EXPH5: variants seen among roughly 807,000 people sequenced by gnomAD.
EXPH5 encodes the protein exophilin-5.
EXPH5 carries 42 observed loss-of-function variants against 41.1 expected under a neutral mutation model. That is an observed-to-expected ratio of 1.02 (90% CI 0.80 to 1.32). The LOEUF (loss-of-function observed/expected upper bound fraction) is 1.32. EXPH5 is among the 40% of genes most tolerant of loss of function. EXPH5 has a pLI of 0.00. For synonymous variants in EXPH5, 798 were observed against 833.5 expected (o/e 0.96, Z 0.73); for missense variants, 2,298 against 2,314.5 (o/e 0.99, Z 0.15).
chr11:108,532,339 GATAT>G lies in EXPH5; in HGVS notation c.444-4159_444-4156del, dbSNP rs761444200. Among the ~76,000 whole-genome samples, 173 of 23,412 alleles carry G rather than the reference GATAT, an allele frequency of 7.4e-3. 5 individuals are homozygous for G. The highest frequency in any genetic ancestry group is 0.027 in the South Asian group (9 of 336). The allele number at this position is 23,412 out of a possible 152,430, so 15.4% of individuals were successfully genotyped here. ...ACTACTGGTGTGCACCACCACACTG[GATAT>G]ATATATATATATATATATATATATT... On this transcript the variant is annotated intron_variant, in intron 3 of 5. Coordinates refer to ENST00000265843, the MANE Select transcript of EXPH5 (RefSeq NM_015065.3).
the EXPH5 span, among the ~76,000 whole-genome samples, chr11:108,605,279 C>T: frequency 1.3e-5 from 2 of 152,244 alleles, no homozygotes; most frequent in African/African-American, 4.8e-5. Context: ...TCTTCTCATC[C>T]TCCAAAGACT....
intron 4 of EXPH5, among the ~76,000 whole-genome samples, chr11:108,524,279 C>T (rs1477032111): frequency 6.6e-6 from 1 of 152,198 alleles, no homozygotes; most frequent in Non-Finnish European, 1.5e-5. Flanking sequence ...ATAACAGCAA[C>T]AATAACAATA....
chr11:108,556,242 T>C (rs1177866360), intron 1 of EXPH5, among the ~76,000 whole-genome samples: 1 of 151,374 alleles, frequency 6.6e-6, no homozygotes, highest in Non-Finnish European at 1.5e-5. Flanking sequence ...TTCCTTATCA[T>C]GCGGGTGTTG....
At chr11:108,589,508 C>A (rs2094122393) in intron 1 of EXPH5, among the ~76,000 whole-genome samples, 5 of 152,182 alleles carry the variant, frequency 3.3e-5, no homozygotes, top group Admixed American at 6.5e-5. Flanking sequence ...GGAAAACCCT[C>A]CTGGGCTGCA....
chr11:108,588,655 ATGT>A (rs1053025953), intron 1 of EXPH5, among the ~76,000 whole-genome samples: 2 of 152,196 alleles, frequency 1.3e-5, no homozygotes, highest in Non-Finnish European at 2.9e-5. Flanking sequence ...TACTCAACAA[ATGT>A]TAGCTATTAT....
At chr11:108,523,321 T>C (rs996652622) in intron 4 of EXPH5, among the ~76,000 whole-genome samples, 1 of 152,218 alleles carries the variant, frequency 6.6e-6, no homozygotes, top group African/African-American at 2.4e-5. Flanking sequence ...CTGTATCTCA[T>C]GCAAGTGCCT....
intron 3 of EXPH5, chr11:108,538,353 T>TG: frequency 1.8e-6 from 1 of 561,992 alleles, no homozygotes; most frequent in East Asian, 1.5e-4. Flanking sequence ...AGCATAGCCT[T>TG]GCTTGTTTTT....
intron 1 of EXPH5, among the ~76,000 whole-genome samples, chr11:108,546,492 G>C (rs2093938895): frequency 6.6e-6 from 1 of 152,060 alleles, no homozygotes; most frequent in Non-Finnish European, 1.5e-5. Context: ...TGGGGAGTAG[G>C]GGTAGAGACA....
At chr11:108,596,897 A>T (rs1475475985), upstream of EXPH5, among the ~76,000 whole-genome samples, 1 of 64,396 alleles carries the variant, frequency 1.6e-5, no homozygotes, top group Non-Finnish European at 6.1e-5. Flanking sequence ...ATAATTCTCC[A>T]AAGGTTTGTT....
At position 108,514,330 on chromosome 11, in the gene EXPH5, A is replaced by G; in HGVS notation, c.1177T>C (p.Ser393Pro). 6.2e-7 allele frequency: 1 copy of G among 1,613,376 alleles called. No individual in the cohort carries two copies. Among genetic ancestry groups the G allele is most frequent in the Non-Finnish European group, 8.5e-7 (1 of 1,179,614 alleles). ...ENQEEFLRAPSPMEIDPADKY... is the reference protein window; with the variant it reads ...ENQEEFLRAPPPMEIDPADKY... Reference sequence around the variant, plus strand: ...TCAGCGGGATCAATTTCCATTGGTGATGGTGCCCTCAGGAACTCTTCCTGG... The same window carrying G: ...TCAGCGGGATCAATTTCCATTGGTGGTGGTGCCCTCAGGAACTCTTCCTGG... The change falls in exon 6 of 6, where the codon TCA becomes CCA. Residue 393 changes from serine to proline, a missense_variant. Transcript: ENST00000265843.
intron 3 of EXPH5, 146 bp downstream of exon 3, chr11:108,538,878 C>T: frequency 3.0e-6 from 2 of 665,372 alleles, no homozygotes; most frequent in Non-Finnish European, 4.7e-6. Flanking sequence ...TGTCACTATG[C>T]AAGTTAAGTC....
chr11:108,549,938 A>G (rs2640777), intron 1 of EXPH5, among the ~76,000 whole-genome samples: 4 of 152,184 alleles, frequency 2.6e-5, no homozygotes, highest in Non-Finnish European at 5.9e-5. Context: ...TAGTGGTTGT[A>G]AGGAAAGTGG....
chr11:108,589,986 C>A (rs2094123605), intron 1 of EXPH5, among the ~76,000 whole-genome samples: 1 of 152,182 alleles, frequency 6.6e-6, no homozygotes, highest in South Asian at 2.1e-4. Flanking sequence ...GTTATTACCA[C>A]AATAATTACT....
rs563083396 is a variant in EXPH5, at chr11:108,552,673, T to C, written c.120-10861A>G. ...GCTCATGTCTGTAATCCCAGAGCCT[T>C]TGGGAGGCCAAGGTGGAAGGATTAC... On this transcript the variant is annotated intron_variant, in intron 1 of 5. Transcript: ENST00000265843. Among the ~76,000 whole-genome samples the C allele has an allele frequency of 6.6e-4, 100 of 152,306 alleles. 3 individuals carry two copies. Among genetic ancestry groups the C allele is most frequent in the Admixed American group, 6.5e-3 (99 of 15,298 alleles).
chr11:108,596,353 G>C (rs2094138913), upstream of EXPH5, among the ~76,000 whole-genome samples: 1 of 151,986 alleles, frequency 6.6e-6, no homozygotes, highest in Admixed American at 6.6e-5. Context: ...AGAAAAAGAG[G>C]GTGGAATTCC....
chr11:108,587,250 T>C (rs1337975099), intron 1 of EXPH5, among the ~76,000 whole-genome samples: 2 of 152,250 alleles, frequency 1.3e-5, no homozygotes, highest in Non-Finnish European at 2.9e-5. Context: ...ATTAGGTATA[T>C]CTCCTTACTA....
intron 1 of EXPH5, among the ~76,000 whole-genome samples, chr11:108,557,413 G>A (rs891540109): frequency 5.9e-5 from 9 of 152,256 alleles, no homozygotes; most frequent in East Asian, 3.9e-4. Flanking sequence ...CCATGATCTC[G>A]GCTGATTGCA....
chr11:108,562,265 G>GTGTTTTT (rs1555197205), intron 1 of EXPH5, among the ~76,000 whole-genome samples: 2 of 104,602 alleles, frequency 1.9e-5, no homozygotes, highest in Non-Finnish European at 4.4e-5. Flanking sequence ...TTTTTTCTGT[G>GTGTTTTT]TTTTTTTTTT....
At chr11:108,606,120 C>G in the EXPH5 span, among the ~76,000 whole-genome samples, 10 of 152,168 alleles carry the variant, frequency 6.6e-5, no homozygotes, top group Non-Finnish European at 1.3e-4. Flanking sequence ...CCTCGAACTC[C>G]TGGTTTCAAG....
Sources: allele counts gnomAD v4.1 joint callset (sites outside exome capture counted in the v4.1 genomes callset), GRCh38; gene constraint gnomAD v4.1.1; transcripts MANE v1.5; gene names NCBI Gene and HGNC (gene_info 2026-07-23, HGNC 2026-07-21).